Variants in MDGA2 observed in about 807,000 individuals in gnomAD.
MDGA2 encodes the protein MAM domain containing glycosylphosphatidylinositol anchor 2, also known as MAM domain-containing glycosylphosphatidylinositol anchor protein 2.
In MDGA2, 40 loss-of-function variants were observed where a neutral mutation model predicts 117.8. The ratio of observed to expected loss-of-function variants is 0.34; its 90% CI spans 0.26 to 0.44. MDGA2 has a LOEUF of 0.44. MDGA2 is among the 20% of genes least tolerant of loss of function. The pLI is 1.00. For missense variants in MDGA2, 1,123 were observed against 1,250.6 expected, an observed-to-expected ratio of 0.90 and a Z score of 1.54; for synonymous variants, 452 against 439.0, an observed-to-expected ratio of 1.03 and a Z score of -0.37.
intron 1 of MDGA2, among the ~76,000 whole-genome samples, chr14:47,321,361 T>A (rs770622656): frequency 2.6e-5 from 4 of 152,154 alleles, no homozygotes; most frequent in Non-Finnish European, 5.9e-5. Flanking sequence ...ATCGTTAACA[T>A]CACAAAAAAA....
At chr14:47,072,873 C>G (rs1890345341) in intron 6 of MDGA2, among the ~76,000 whole-genome samples, 1 of 152,114 alleles carries the variant, frequency 6.6e-6, no homozygotes, top group Admixed American at 6.6e-5. Context: ...CATAGCATAT[C>G]TTTTTACTTT....
At chr14:47,512,994 T>C (rs1894673408) in intron 1 of MDGA2, among the ~76,000 whole-genome samples, 1 of 151,738 alleles carries the variant, frequency 6.6e-6, no homozygotes, top group South Asian at 2.1e-4. Flanking sequence ...TATTATTTAT[T>C]TGATGTACAC....
At chr14:47,141,929 T>C (rs1397282993) in intron 4 of MDGA2, among the ~76,000 whole-genome samples, 1 of 152,218 alleles carries the variant, frequency 6.6e-6, no homozygotes, top group Non-Finnish European at 1.5e-5. Flanking sequence ...CTAAATACCC[T>C]GATTTGATTA....
chr14:47,194,433 A>G (rs1885216234), intron 3 of MDGA2, among the ~76,000 whole-genome samples: 1 of 152,048 alleles, frequency 6.6e-6, no homozygotes, highest in Non-Finnish European at 1.5e-5. Flanking sequence ...ATTTTGATAT[A>G]TATATATTTT....
At chr14:46,942,851 T>C (rs887832192) in intron 9 of MDGA2, among the ~76,000 whole-genome samples, 22 of 152,110 alleles carry the variant, frequency 1.4e-4, no homozygotes, top group Non-Finnish European at 2.8e-4. Flanking sequence ...AAGCTGATAT[T>C]AAAGTTTGTG....
intron 6 of MDGA2, among the ~76,000 whole-genome samples, chr14:47,085,140 G>A (rs1274300953): frequency 6.6e-6 from 1 of 151,996 alleles, no homozygotes; most frequent in African/African-American, 2.4e-5. Flanking sequence ...CAAAAGTCTT[G>A]CGATACAGTT....
rs756502172 is a variant in MDGA2 at position 47,540,548 on chromosome 14, ATATATG to A, written c.280+133963_280+133968del. Among the ~76,000 whole-genome samples the A allele has an allele frequency of 6.9e-3, 516 of 74,262 alleles. 8 individuals are homozygous for A. Among genetic ancestry groups the A allele is most frequent in the African/African-American group, 0.013 (350 of 26,998 alleles). The allele number at this position is 74,262 out of a possible 152,430, so 48.7% of individuals were successfully genotyped here. On this transcript the variant is annotated intron_variant, in intron 1 of 16. Coordinates refer to ENST00000399232, the MANE Select transcript of MDGA2 (RefSeq NM_001113498.3). Reference sequence around the variant, plus strand: ...TGTGTGTGTGTGTGTGTGTATATATATATATGTATATATATACACACACACATAGAG... The same window carrying A: ...TGTGTGTGTGTGTGTGTGTATATATATATATATATACACACACACATAGAG...
chr14:47,021,968 C>T (rs1390289667), intron 8 of MDGA2, among the ~76,000 whole-genome samples: 6 of 152,138 alleles, frequency 3.9e-5, no homozygotes, highest in Non-Finnish European at 7.4e-5. Flanking sequence ...TATTATTTTA[C>T]TGTCACCTAG....
chr14:47,054,978 C>T (rs925096675), intron 7 of MDGA2, among the ~76,000 whole-genome samples: 4 of 147,894 alleles, frequency 2.7e-5, no homozygotes, highest in Non-Finnish European at 3.0e-5. Context: ...TGCTTGTCCC[C>T]GTTGTCCAAT....
At chr14:47,597,876 AC>A (rs1896575440) in intron 1 of MDGA2, among the ~76,000 whole-genome samples, 1 of 150,060 alleles carries the variant, frequency 6.7e-6, no homozygotes, top group Non-Finnish European at 1.5e-5. Context: ...ACACACACAC[AC>A]ACACACAAAA....
intron 1 of MDGA2, among the ~76,000 whole-genome samples, chr14:47,655,659 C>T (rs888736736): frequency 6.6e-6 from 1 of 151,982 alleles, no homozygotes; most frequent in African/African-American, 2.4e-5. Context: ...AAGCAATCTT[C>T]CAAAAAAAGA....
intron 1 of MDGA2, among the ~76,000 whole-genome samples, chr14:47,439,959 T>A (rs928837370): frequency 6.6e-6 from 1 of 152,100 alleles, no homozygotes; most frequent in African/African-American, 2.4e-5. Context: ...TTTTGGTTTG[T>A]AAATTCTTTA....
chr14:47,381,958 A>C (rs1268077558), intron 1 of MDGA2, among the ~76,000 whole-genome samples: 1 of 152,222 alleles, frequency 6.6e-6, no homozygotes, highest in African/African-American at 2.4e-5. Context: ...CTGACTTCAA[A>C]CTATACTACA....
At chr14:47,647,783 T>C (rs1423271096) in intron 1 of MDGA2, among the ~76,000 whole-genome samples, 1 of 152,246 alleles carries the variant, frequency 6.6e-6, no homozygotes, top group Non-Finnish European at 1.5e-5. Context: ...ACATGCAATA[T>C]AAAACATGAA....
intron 2 of MDGA2, among the ~76,000 whole-genome samples, chr14:47,253,026 A>G (rs1887499923): frequency 6.6e-6 from 1 of 152,184 alleles, no homozygotes; most frequent in Non-Finnish European, 1.5e-5. Flanking sequence ...TCAGATCTCA[A>G]AAGAACTTAC....
At chr14:47,527,748 A>T (rs1339708826) in intron 1 of MDGA2, among the ~76,000 whole-genome samples, 1 of 152,198 alleles carries the variant, frequency 6.6e-6, no homozygotes, top group Non-Finnish European at 1.5e-5. Flanking sequence ...GGAGGCTTCA[A>T]TGGAACTATT....
At position 47,459,545 on chromosome 14, in the gene MDGA2, C is replaced by CTTCCTTCCTTCCTTCT. The variant is rs1015095908; in HGVS notation, c.281-158011_281-157996dup. On this transcript the variant is annotated intron_variant, in intron 1 of 16. Transcript: ENST00000399232. ...CTTCCTCCCTCCCTTCTCTTTCTTT[C>CTTCCTTCCTTCCTTCT]TTCCTTCCTTCCTTCTTTCCTTCCT... Among the ~76,000 whole-genome samples the CTTCCTTCCTTCCTTCT allele has an allele frequency of 2.7e-5, 4 of 148,342 alleles. No homozygotes were observed. The Admixed American group carries it at 2.7e-4, about 10-fold the overall frequency.
chr14:47,105,028 C>T (rs12893016), intron 5 of MDGA2, among the ~76,000 whole-genome samples: 1 of 151,976 alleles, frequency 6.6e-6, no homozygotes, highest in Non-Finnish European at 1.5e-5. Flanking sequence ...GGAAGGCAGC[C>T]TTCCCTTGGT....
chr14:47,201,079 A>T (rs1033162745), intron 3 of MDGA2: 3 of 1,066,094 alleles, frequency 2.8e-6, no homozygotes, highest in Admixed American at 1.7e-5. Context: ...TCGACCATCA[A>T]GCACCAAGAC....
Sources: allele counts gnomAD v4.1 joint callset (sites outside exome capture counted in the v4.1 genomes callset), GRCh38; gene constraint gnomAD v4.1.1; transcripts MANE v1.5; gene names NCBI Gene and HGNC (gene_info 2026-07-23, HGNC 2026-07-21).